CACNA2D3: variants seen among roughly 807,000 people sequenced by gnomAD.
CACNA2D3 encodes the protein voltage-dependent calcium channel subunit alpha-2/delta-3.
CACNA2D3 carries 60 observed loss-of-function variants against 160.6 expected under a neutral mutation model. That is an observed-to-expected ratio of 0.37 (90% CI 0.30 to 0.46). The LOEUF (loss-of-function observed/expected upper bound fraction) is 0.46, where lower values mean the gene tolerates loss of function less well. Ranked by LOEUF, CACNA2D3 falls within the 20% of genes least tolerant of loss-of-function variation. CACNA2D3 has a pLI of 1.00. For missense variants in CACNA2D3, 1,205 were observed against 1,365.0 expected, an observed-to-expected ratio of 0.88 and a Z score of 1.85; for synonymous variants, 558 against 492.9, an observed-to-expected ratio of 1.13 and a Z score of -1.75.
In CACNA2D3 at chr3:54,459,876, G is replaced by C. The variant is rs1393138085; in HGVS notation, c.382-43616G>C. Reference sequence around the variant, plus strand: ...CCTATGTCCTGAATGGTAATGCCTAGGTTTTCTTGTAGGGTTTTTATGGTT... The same window carrying C: ...CCTATGTCCTGAATGGTAATGCCTACGTTTTCTTGTAGGGTTTTTATGGTT... On this transcript the variant is annotated intron_variant, in intron 4 of 37. Coordinates refer to ENST00000474759, the MANE Select transcript of CACNA2D3 (RefSeq NM_018398.3). 2.6e-5 allele frequency among the ~76,000 whole-genome samples: 4 copies of C among 152,144 alleles called. No homozygotes were observed. In the South Asian group the frequency reaches 6.2e-4, roughly 24 times the overall value.
chr3:54,871,929 C>T (rs968591596), intron 18 of CACNA2D3, among the ~76,000 whole-genome samples: 2 of 152,218 alleles, frequency 1.3e-5, no homozygotes, highest in Non-Finnish European at 2.9e-5. Context: ...CAGTGGATGG[C>T]CCCTGACATC....
intron 35 of CACNA2D3, among the ~76,000 whole-genome samples, chr3:55,018,855 G>A (rs1559465140): frequency 1.3e-5 from 2 of 151,464 alleles, no homozygotes; most frequent in Non-Finnish European, 2.9e-5. Context: ...TACTGATTTG[G>A]GTGTTCTTTC....
At chr3:54,522,925 TTTATTTATTTACTTACTTAC>T (rs1357725389) in intron 5 of CACNA2D3, among the ~76,000 whole-genome samples, 50 of 107,414 alleles carry the variant, frequency 4.7e-4, no homozygotes, top group South Asian at 9.5e-4. Context: ...TATTTATTTA[TTTATTTATTTACTTACTTAC>T]TTACTTACTT....
At chr3:54,686,506 G>T (rs77724430) in intron 11 of CACNA2D3, among the ~76,000 whole-genome samples, 1 of 152,188 alleles carries the variant, frequency 6.6e-6, no homozygotes, top group African/African-American at 2.4e-5. Flanking sequence ...ACAGGTGTAC[G>T]TTTGAATGTC....
At chr3:54,139,723 C>G (rs1343884687) in intron 2 of CACNA2D3, among the ~76,000 whole-genome samples, 1 of 152,184 alleles carries the variant, frequency 6.6e-6, no homozygotes, top group Non-Finnish European at 1.5e-5. Context: ...ACATGCCTGA[C>G]TAAATGACGT....
chr3:54,898,673 C>T (rs7633208), intron 26 of CACNA2D3, among the ~76,000 whole-genome samples: 4,989 of 152,254 alleles, frequency 0.033, 260 homozygotes, highest in African/African-American at 0.11. Context: ...AATAATAGAA[C>T]TTAGCTTGCT....
At chr3:54,652,161 C>G (rs1426328855) in intron 11 of CACNA2D3, among the ~76,000 whole-genome samples, 1 of 151,842 alleles carries the variant, frequency 6.6e-6, no homozygotes, top group Non-Finnish European at 1.5e-5. Context: ...GACCGTCACT[C>G]TGGCTGTCTG....
intron 3 of CACNA2D3, among the ~76,000 whole-genome samples, chr3:54,330,060 C>T (rs1040352009): frequency 2.6e-5 from 4 of 152,106 alleles, no homozygotes; most frequent in African/African-American, 7.2e-5. Flanking sequence ...ACAGCCCTTG[C>T]GAGTAATCAG....
chr3:54,754,778 A>G (rs1190618713), intron 12 of CACNA2D3, among the ~76,000 whole-genome samples: 1 of 152,078 alleles, frequency 6.6e-6, no homozygotes, highest in Admixed American at 6.6e-5. Flanking sequence ...AGAAAAGAGG[A>G]CTCAGTGAAG....
At chr3:54,478,734 C>T (rs942126555) in intron 4 of CACNA2D3, among the ~76,000 whole-genome samples, 1 of 64,698 alleles carries the variant, frequency 1.5e-5, no homozygotes, top group African/African-American at 4.6e-5. Flanking sequence ...TGCATCTTCC[C>T]TTTGTCAGGT....
intron 6 of CACNA2D3, 58 bp downstream of exon 6, chr3:54,562,989 A>G: frequency 6.6e-7 from 1 of 1,518,626 alleles, no homozygotes; most frequent in Non-Finnish European, 9.0e-7. Flanking sequence ...ATAATGTGGT[A>G]TTTTTCTTTA....
At chr3:54,822,754 C>CTT (rs1216222328) in intron 14 of CACNA2D3, among the ~76,000 whole-genome samples, 1 of 77,512 alleles carries the variant, frequency 1.3e-5, no homozygotes, top group Non-Finnish European at 2.6e-5. Context: ...TTCTTTCTTT[C>CTT]TTTCTTTCTT....
chr3:54,858,870 T>C (rs1699225468), intron 17 of CACNA2D3, among the ~76,000 whole-genome samples: 1 of 152,226 alleles, frequency 6.6e-6, no homozygotes, highest in East Asian at 1.9e-4. Context: ...CCAATGATTA[T>C]TCCTCTGGGA....
chr3:54,234,507 A>C (rs1473963331), intron 2 of CACNA2D3, among the ~76,000 whole-genome samples: 1 of 152,224 alleles, frequency 6.6e-6, no homozygotes, highest in Non-Finnish European at 1.5e-5. Flanking sequence ...CCATTTACTG[A>C]GTATATATCC....
Position 54,754,269 on chromosome 3 carries a change from C to A in CACNA2D3, c.1246+1592C>A, listed in dbSNP as rs561192878. Among the ~76,000 whole-genome samples, 97 of 152,268 alleles carry A rather than the reference C, an allele frequency of 6.4e-4. 1 individual carries two copies. Among genetic ancestry groups the A allele is most frequent in the African/African-American group, 2.2e-3 (92 of 41,548 alleles). ...ATAGCAAGTTAATAGGGAGGAGAGT[C>A]CAGACTCCTTGTATCCAAGTCGTAT... On this transcript the variant is annotated intron_variant, in intron 12 of 37. Transcript: ENST00000474759.
intron 18 of CACNA2D3, among the ~76,000 whole-genome samples, chr3:54,871,870 C>T (rs968590090): frequency 8.5e-5 from 13 of 152,314 alleles, no homozygotes; most frequent in South Asian, 2.1e-4. Flanking sequence ...CATCCCCCTG[C>T]GGACGCTGGT....
intron 13 of CACNA2D3, among the ~76,000 whole-genome samples, chr3:54,799,617 T>A (rs1472932413): frequency 1.3e-5 from 2 of 152,238 alleles, no homozygotes; most frequent in Admixed American, 1.3e-4. Flanking sequence ...AATTTTCTTC[T>A]GAAGGATTTT....
chr3:54,811,007 C>G (rs115953942), intron 13 of CACNA2D3, among the ~76,000 whole-genome samples: 2,209 of 152,304 alleles, frequency 0.015, 32 homozygotes, highest in African/African-American at 0.039. Context: ...CACATGGGCT[C>G]TCCCTGGTGG....
intron 9 of CACNA2D3, among the ~76,000 whole-genome samples, chr3:54,620,425 G>C (rs775918913): frequency 3.3e-5 from 5 of 152,192 alleles, no homozygotes; most frequent in Non-Finnish European, 7.3e-5. Context: ...TCTGTGCTGC[G>C]TGTGAACAGG....
Sources: gnomAD v4.1 joint callset for allele counts (sites outside exome capture counted in the v4.1 genomes callset) on GRCh38, gnomAD v4.1.1 for gene constraint, MANE v1.5 for transcripts, NCBI Gene and HGNC (gene_info 2026-07-23, HGNC 2026-07-21) for gene names.